Variants in HIVEP3 observed in about 807,000 individuals in gnomAD.
HIVEP3 encodes transcription factor HIVEP3.
In HIVEP3, 49 loss-of-function variants were observed where a neutral mutation model predicts 152.8. The observed-to-expected ratio is 0.32, with a 90% confidence interval of 0.26 to 0.41. The LOEUF is 0.41. Ranked by LOEUF, HIVEP3 falls within the 10% of genes least tolerant of loss-of-function variation. The pLI is 1.00. For missense variants in HIVEP3, 2,790 were observed against 3,103.3 expected (o/e 0.90, Z 2.40); for synonymous variants, 1,269 against 1,289.0 (o/e 0.98, Z 0.33).
intron 1 of HIVEP3, among the ~76,000 whole-genome samples, chr1:41,744,480 TGCTG>T (rs973543398): frequency 6.6e-6 from 1 of 152,236 alleles, no homozygotes; most frequent in Non-Finnish European, 1.5e-5. Context: ...GATCAGGGTG[TGCTG>T]GCCAGATGGG....
At chr1:41,713,650 C>T (rs938897188) in intron 1 of HIVEP3, among the ~76,000 whole-genome samples, 1 of 152,222 alleles carries the variant, frequency 6.6e-6, no homozygotes, top group Non-Finnish European at 1.5e-5. Context: ...CCTGGTACTA[C>T]AGTTCTTCCC....
At chr1:41,695,514 A>G (rs1014113920) in intron 2 of HIVEP3, among the ~76,000 whole-genome samples, 4 of 152,172 alleles carry the variant, frequency 2.6e-5, no homozygotes, top group Admixed American at 2.6e-4. Context: ...GCAGCCTACA[A>G]GCCTCCTGCT....
rs185409962 is a variant in HIVEP3 at position 41,742,362 on chromosome 1, C to T, written c.-800-41367G>A. 3.5e-4 allele frequency among the ~76,000 whole-genome samples: 54 copies of T among 152,358 alleles called. 1 individual carries two copies. Among genetic ancestry groups the T allele is most frequent in the Admixed American group, 6.5e-4 (10 of 15,312 alleles). ...GGCTCCAAACAAAAAAGAGCTTCAA[C>T]AGCTTCCGCATACTCTGCTGCTGTT... is the stretch of plus-strand genomic sequence containing the variant. On this transcript the variant is annotated intron_variant, in intron 1 of 8. Transcript: ENST00000372583.
chr1:41,696,512 C>CT (rs1279136056), intron 2 of HIVEP3, among the ~76,000 whole-genome samples: 3 of 152,372 alleles, frequency 2.0e-5, no homozygotes, highest in African/African-American at 7.2e-5. Context: ...GCCAGCGGGC[C>CT]TGAGAGGCCA....
chr1:41,750,669 C>T (rs1184302029), intron 1 of HIVEP3, among the ~76,000 whole-genome samples: 2 of 150,420 alleles, frequency 1.3e-5, no homozygotes, highest in African/African-American at 4.9e-5. Flanking sequence ...ATTGGGCACT[C>T]TTTATCACCT....
intron 1 of HIVEP3, among the ~76,000 whole-genome samples, chr1:41,843,386 A>C (rs1329510839): frequency 6.6e-6 from 1 of 152,246 alleles, no homozygotes; most frequent in Non-Finnish European, 1.5e-5. Flanking sequence ...ATAAATCAGA[A>C]GTTGATTTCA....
At chr1:41,696,654 T>C (rs1157803379) in intron 2 of HIVEP3, among the ~76,000 whole-genome samples, 2 of 152,202 alleles carry the variant, frequency 1.3e-5, no homozygotes, top group African/African-American at 2.4e-5. Flanking sequence ...CTGCCTCTTG[T>C]TCCTCCCAAG....
intron 6 of HIVEP3, among the ~76,000 whole-genome samples, chr1:41,519,091 C>G (rs917734984): frequency 4.6e-5 from 7 of 152,160 alleles, no homozygotes. Flanking sequence ...GTCTACTAGC[C>G]AGGGACTCAG....
At chr1:41,693,400 T>A (rs1027587767) in intron 2 of HIVEP3, among the ~76,000 whole-genome samples, 1 of 152,190 alleles carries the variant, frequency 6.6e-6, no homozygotes, top group Admixed American at 6.5e-5. Context: ...GTTTAATGTG[T>A]CTCCTTTGCC....
At chr1:41,681,801 G>T (rs889836685) in intron 2 of HIVEP3, among the ~76,000 whole-genome samples, 2 of 152,210 alleles carry the variant, frequency 1.3e-5, no homozygotes, top group Non-Finnish European at 2.9e-5. Context: ...CCACAACCTT[G>T]TGACTATGTC....
intron 1 of HIVEP3, among the ~76,000 whole-genome samples, chr1:42,025,958 C>A (rs528721904): frequency 6.6e-6 from 1 of 151,996 alleles, no homozygotes; most frequent in South Asian, 2.1e-4. Flanking sequence ...ATAGTCCCAG[C>A]TACCCAGAGG....
rs182343817 is a variant in HIVEP3, at chr1:41,829,194, C to T, written c.-801+89219G>A. ...TATTCCATGGAAACAATACCCACTTCGATATGGCATGCTTACTAAAAAAGT... is the reference window on the plus strand; with the variant it reads ...TATTCCATGGAAACAATACCCACTTTGATATGGCATGCTTACTAAAAAAGT... On this transcript the variant is annotated intron_variant, in intron 1 of 8. Coordinates refer to ENST00000372583, the MANE Select transcript of HIVEP3 (RefSeq NM_024503.5). Among the ~76,000 whole-genome samples the T allele has an allele frequency of 8.7e-4, 133 of 152,246 alleles. 2 individuals carry two copies. The highest frequency in any genetic ancestry group is 6.9e-3 in the Admixed American group (105 of 15,292).
At chr1:41,889,524 C>T (rs1644413815) in intron 1 of HIVEP3, among the ~76,000 whole-genome samples, 1 of 152,180 alleles carries the variant, frequency 6.6e-6, no homozygotes. Flanking sequence ...TCCTGCAGGG[C>T]CTGAGGTTAA....
intron 7 of HIVEP3, among the ~76,000 whole-genome samples, chr1:41,515,945 A>C (rs1426774770): frequency 6.6e-6 from 1 of 151,720 alleles, no homozygotes; most frequent in African/African-American, 2.4e-5. Flanking sequence ...TGAAGGTCAC[A>C]GGGGTAGTGT....
rs1400339534 is a variant in HIVEP3 at position 41,543,552 on chromosome 1, C to T, written c.5208-18642G>A. On this transcript the variant is annotated intron_variant, in intron 5 of 8. Transcript: ENST00000372583. ...TAACCTAGGCCCAGGCCCTTGCCCT[C>T]TCTGGTCTCCAGCCACCTCACTGAC... 2.6e-5 allele frequency: 4 copies of T among 152,352 alleles called. No individual in the cohort carries two copies. In the East Asian group the frequency reaches 7.7e-4, roughly 29 times the overall value. The allele number at this position is 152,352 out of a possible 1,614,324, so 9.4% of individuals were successfully genotyped here.
At chr1:41,832,310 A>AT (rs1642986133) in intron 1 of HIVEP3, among the ~76,000 whole-genome samples, 1 of 152,042 alleles carries the variant, frequency 6.6e-6, no homozygotes, top group Non-Finnish European at 1.5e-5. Context: ...GGAGGATCAC[A>AT]TAAGCCCAGG....
At chr1:41,767,915 C>G (rs1394259991) in intron 1 of HIVEP3, among the ~76,000 whole-genome samples, 3 of 152,228 alleles carry the variant, frequency 2.0e-5, no homozygotes, top group Non-Finnish European at 4.4e-5. Flanking sequence ...ATTTTTACCT[C>G]GTTCTTCCTA....
At chr1:41,731,547 T>C (rs949224135) in intron 1 of HIVEP3, among the ~76,000 whole-genome samples, 21 of 152,232 alleles carry the variant, frequency 1.4e-4, no homozygotes, top group Admixed American at 2.0e-4. Context: ...ATGACTTCCA[T>C]GGCTAGGTCA....
At chr1:41,523,649 C>A (rs1642823366) in intron 6 of HIVEP3, among the ~76,000 whole-genome samples, 1 of 152,108 alleles carries the variant, frequency 6.6e-6, no homozygotes, top group Non-Finnish European at 1.5e-5. Flanking sequence ...CCCTGCTGGG[C>A]CCCCTCCAGA....
Sources: gnomAD v4.1 joint callset for allele counts (sites outside exome capture counted in the v4.1 genomes callset) on GRCh38, gnomAD v4.1.1 for gene constraint, MANE v1.5 for transcripts, NCBI Gene and HGNC (gene_info 2026-07-23, HGNC 2026-07-21) for gene names.